Variants in DDX31 observed in about 807,000 individuals in gnomAD.
DDX31 encodes the protein ATP-dependent DNA helicase DDX31.
In DDX31, 70 loss-of-function variants were observed where a neutral mutation model predicts 91.3. The ratio of observed to expected loss-of-function variants is 0.77; its 90% CI spans 0.63 to 0.94. DDX31 has a LOEUF of 0.94. Among genes scored for constraint, DDX31 ranks in the 40% least tolerant of loss-of-function variants. The probability of loss-of-function intolerance (pLI) is 0.00; values close to 1 mark genes in which losing one functional copy is unlikely to be tolerated. For missense variants in DDX31, 902 were observed against 925.0 expected, an observed-to-expected ratio of 0.98 and a Z score of 0.32; for synonymous variants, 362 against 350.6, an observed-to-expected ratio of 1.03 and a Z score of -0.36.
chr9:132,660,542 G>T (rs11243869), intron 4 of DDX31, among the ~76,000 whole-genome samples: 28,961 of 152,040 alleles, frequency 0.19, 3,525 homozygotes, highest in East Asian at 0.4. Flanking sequence ...AAAGGTTATG[G>T]ACATGCTGAA....
chr9:132,652,657 A>G (rs1051749637), intron 6 of DDX31, among the ~76,000 whole-genome samples, 165 bp from the exon 7 acceptor site: 2 of 152,102 alleles, frequency 1.3e-5, no homozygotes, highest in Non-Finnish European at 1.5e-5. Flanking sequence ...GCCCCCACCC[A>G]AATTTCGACT....
At chr9:132,635,043 A>G (rs1833021276) in intron 14 of DDX31, among the ~76,000 whole-genome samples, 1 of 152,162 alleles carries the variant, frequency 6.6e-6, no homozygotes, top group Non-Finnish European at 1.5e-5. Context: ...TCCTGAGGAC[A>G]TCGGACAACT....
intron 17 of DDX31, among the ~76,000 whole-genome samples, chr9:132,618,976 A>C (rs1831819788): frequency 1.3e-5 from 2 of 152,170 alleles, no homozygotes; most frequent in South Asian, 4.1e-4. Flanking sequence ...CTAGTGTTTC[A>C]AATTTATTCC....
At chr9:132,629,028 C>T (rs530408584) in intron 16 of DDX31, among the ~76,000 whole-genome samples, 9 of 152,366 alleles carry the variant, frequency 5.9e-5, no homozygotes, top group Admixed American at 4.6e-4. Flanking sequence ...GTTCCTGGTA[C>T]ACCCGCCCTG....
intron 7 of DDX31, 42 bp from the exon 8 acceptor site, chr9:132,651,158 C>CT (rs1564328008): frequency 1.3e-5 from 19 of 1,518,018 alleles, no homozygotes; most frequent in Admixed American, 2.1e-5. Flanking sequence ...ACAGGATCCC[C>CT]CTTTTTTTTT....
At chr9:132,654,962 A>AAG (rs1554770641) in intron 6 of DDX31, among the ~76,000 whole-genome samples, 5 of 151,628 alleles carry the variant, frequency 3.3e-5, no homozygotes, top group Non-Finnish European at 4.4e-5. Flanking sequence ...AAAAAAAAAA[A>AAG]AAGAAGAAGA....
Position 132,595,540 on chromosome 9 carries a change from T to A in DDX31, c.1995-428A>T, listed in dbSNP as rs1830398808. ...AAGCAGCTTAAAGCAACTGGCCTCC[T>A]CATGGGCTCCTGAGGGCTTCAGGAC... On this transcript the variant is annotated intron_variant, in intron 19 of 19. Transcript: ENST00000372159. This position sits in a 1 kb window ranked among gnomAD's most constrained non-coding sequence, Gnocchi z 4.6. 6.6e-6 allele frequency among the ~76,000 whole-genome samples: 1 copy of A among 152,194 alleles called. No homozygotes were observed. Among genetic ancestry groups the A allele is most frequent in the Non-Finnish European group, 1.5e-5 (1 of 68,028 alleles).
chr9:132,656,848 C>G lies in DDX31; in HGVS notation c.588+1823G>C, dbSNP rs150451828. Among the ~76,000 whole-genome samples, 204 of 152,286 alleles carry G rather than the reference C, an allele frequency of 1.3e-3. 3 individuals are homozygous for G. The East Asian group carries it at 0.018, about 14-fold the overall frequency. On this transcript the variant is annotated intron_variant, in intron 6 of 19. Transcript: ENST00000372159. ...GAGTACGTAAGTGGATGAGACTTTA[C>G]TACATGATTGTAGTAATTTACATTT...
intron 14 of DDX31, 99 bp from the exon 15 acceptor site, chr9:132,632,190 C>T (rs1832773465): frequency 6.2e-6 from 6 of 969,910 alleles, no homozygotes; most frequent in Non-Finnish European, 9.1e-6. Flanking sequence ...GAGAGTTCAC[C>T]CGCCCACAGT....
At chr9:132,669,482 T>G in intron 1 of DDX31, 1 of 837,990 alleles carries the variant, frequency 1.2e-6, no homozygotes, top group Non-Finnish European at 1.7e-6. Flanking sequence ...AAAAAAAAAA[T>G]CAGAGCTTAG....
chr9:132,655,301 T>C (rs920270338), intron 6 of DDX31, among the ~76,000 whole-genome samples: 6 of 152,086 alleles, frequency 3.9e-5, no homozygotes, highest in Admixed American at 3.3e-4. Flanking sequence ...TAGGCAGTCA[T>C]CAAAAAGAAC....
chr9:132,622,793 C>T (rs908981481), intron 17 of DDX31, among the ~76,000 whole-genome samples: 1 of 152,222 alleles, frequency 6.6e-6, no homozygotes, highest in Admixed American at 6.5e-5. Context: ...CTGCTACTAA[C>T]TTGTATGACT....
At chr9:132,645,832 G>A in intron 13 of DDX31, 63 bp downstream of exon 13, 1 of 1,530,012 alleles carries the variant, frequency 6.5e-7, no homozygotes, top group Admixed American at 1.9e-5. Context: ...GCCGGACTCA[G>A]GTTCGCCCCC....
At chr9:132,631,597 T>C (rs990943773) in intron 15 of DDX31, among the ~76,000 whole-genome samples, 1 of 152,210 alleles carries the variant, frequency 6.6e-6, no homozygotes, top group Non-Finnish European at 1.5e-5. Flanking sequence ...ACCTGTACCC[T>C]CTGGCAAAGC....
chr9:132,650,766 T>C (rs1398092251), intron 8 of DDX31, among the ~76,000 whole-genome samples: 1 of 152,212 alleles, frequency 6.6e-6, no homozygotes, highest in Admixed American at 6.5e-5. Context: ...CAAATCCTAC[T>C]TGCAGCTAAG....
chr9:132,627,395 C>T (rs192489542), intron 16 of DDX31, among the ~76,000 whole-genome samples: 2 of 152,278 alleles, frequency 1.3e-5, no homozygotes, highest in Non-Finnish European at 2.9e-5. Context: ...CTTCCTCTTC[C>T]TAAGAAACTG....
Position 132,638,467 on chromosome 9 carries a change from T to C in DDX31, c.1440+3537A>G, listed in dbSNP as rs534681858. On this transcript the variant is annotated intron_variant, in intron 14 of 19. Transcript: ENST00000372159. ...GGGAAAGTGGGCTTTGAACTTCCAA[T>C]GACTCCTTCTTGCTCATCCCTACTT... 6.0e-6 allele frequency: 9 copies of C among 1,508,334 alleles called. No homozygotes were observed. In the Admixed American group the frequency reaches 6.8e-5, roughly 11 times the overall value. 93.4% of individuals were successfully genotyped at this position (1,508,334 alleles called of 1,614,324 possible).
At chr9:132,634,812 C>T (rs909412713) in intron 14 of DDX31, among the ~76,000 whole-genome samples, 3 of 151,988 alleles carry the variant, frequency 2.0e-5, no homozygotes, top group Non-Finnish European at 4.4e-5. Context: ...CTCAAGCGAT[C>T]CCCCCATCCC....
intron 12 of DDX31, 41 bp downstream of exon 12, chr9:132,646,782 T>C (rs201743796): frequency 9.8e-5 from 156 of 1,599,706 alleles, no homozygotes; most frequent in Non-Finnish European, 4.3e-6. Context: ...AAAGCAGGCC[T>C]TTCTTCCCTG....
Sources: gnomAD v4.1 joint callset for allele counts (sites outside exome capture counted in the v4.1 genomes callset) on GRCh38, gnomAD v4.1.1 for gene constraint, Gnocchi (gnomAD v3.1) non-coding constraint, MANE v1.5 for transcripts, NCBI Gene and HGNC (gene_info 2026-07-23, HGNC 2026-07-21) for gene names.